The following USP13 variants were observed in gnomAD, a reference collection of about 807,000 sequenced individuals.
The protein encoded by USP13 is ubiquitin carboxyl-terminal hydrolase 13.
USP13 carries 68 observed loss-of-function variants against 107.8 expected under a neutral mutation model. The observed-to-expected ratio is 0.63, with a 90% CI of 0.52 to 0.77. The LOEUF is 0.77. Among genes scored for constraint, USP13 ranks in the 30% least tolerant of loss-of-function variants. USP13 has a pLI of 0.00. For missense variants in USP13, 945 were observed against 1,093.3 expected (o/e 0.86, Z 1.91); for synonymous variants, 377 against 389.5 (o/e 0.97, Z 0.38).
intron 12 of USP13, among the ~76,000 whole-genome samples, chr3:179,744,013 T>G (rs1312522999): frequency 2.0e-5 from 3 of 151,784 alleles, no homozygotes; most frequent in Non-Finnish European, 2.9e-5. Flanking sequence ...ACAGGCTAGT[T>G]TCCAGGACCA....
intron 8 of USP13, among the ~76,000 whole-genome samples, chr3:179,725,298 GTTTT>G (rs11438087): frequency 1.3e-5 from 2 of 151,616 alleles, no homozygotes; most frequent in Non-Finnish European, 2.9e-5. Flanking sequence ...TTTCCAGTGA[GTTTT>G]TTTTTGTCTT....
chr3:179,672,987 G>T (rs963034159), intron 1 of USP13, among the ~76,000 whole-genome samples: 1 of 152,190 alleles, frequency 6.6e-6, no homozygotes, highest in African/African-American at 2.4e-5. Context: ...CGGTGGTGCA[G>T]AGAAGGCAGC....
At chr3:179,655,567 G>GTTTTTTTTTTTTTTTTTTTTTTTTTTT (rs780247868) in intron 1 of USP13, among the ~76,000 whole-genome samples, 1 of 139,820 alleles carries the variant, frequency 7.2e-6, no homozygotes, top group African/African-American at 2.8e-5. Flanking sequence ...GTTTTGTTTT[G>GTTTTTTTTTTTTTTTTTTTTTTTTTTT]TTTTTTTTTT....
At chr3:179,709,067 A>C in intron 6 of USP13, 110 bp downstream of exon 6, 4 of 1,300,666 alleles carry the variant, frequency 3.1e-6, no homozygotes, top group Non-Finnish European at 4.2e-6. Flanking sequence ...CAGACAGCCC[A>C]GGTTTGAATT....
chr3:179,677,078 G>A (rs1266175495), intron 1 of USP13, among the ~76,000 whole-genome samples: 4 of 151,628 alleles, frequency 2.6e-5, no homozygotes, highest in African/African-American at 9.7e-5. Context: ...GGCTGGTCTC[G>A]AACTCCTGAC....
intron 10 of USP13, among the ~76,000 whole-genome samples, chr3:179,730,934 G>A (rs906419338): frequency 6.6e-6 from 1 of 152,212 alleles, no homozygotes; most frequent in African/African-American, 2.4e-5. Context: ...ATACATGTGT[G>A]CCATCATTAA....
intron 2 of USP13, among the ~76,000 whole-genome samples, chr3:179,682,854 T>C (rs1560047144): frequency 6.6e-6 from 1 of 152,156 alleles, no homozygotes; most frequent in Admixed American, 6.5e-5. Flanking sequence ...TGCAGGCTCA[T>C]GTTATGCTTA....
At chr3:179,769,100 T>C (rs1379014251) in intron 19 of USP13, among the ~76,000 whole-genome samples, 1 of 152,220 alleles carries the variant, frequency 6.6e-6, no homozygotes, top group African/African-American at 2.4e-5. Flanking sequence ...TCTAAGGTTG[T>C]TTAAATATAA....
chr3:179,769,631 A>G (rs1346673194), intron 19 of USP13, among the ~76,000 whole-genome samples: 1 of 152,008 alleles, frequency 6.6e-6, no homozygotes, highest in Non-Finnish European at 1.5e-5. Flanking sequence ...CTGGTCTCCA[A>G]CTCCTGAGCT....
chr3:179,751,629 A>G (rs940117297), intron 13 of USP13, among the ~76,000 whole-genome samples: 2 of 152,240 alleles, frequency 1.3e-5, no homozygotes, highest in Non-Finnish European at 2.9e-5. Context: ...AAACTCTAGC[A>G]AGGATTTCAG....
chr3:179,738,996 C>T (rs941200866), intron 10 of USP13, among the ~76,000 whole-genome samples: 1 of 152,168 alleles, frequency 6.6e-6, no homozygotes, highest in African/African-American at 2.4e-5. Context: ...TCCCTCTGGG[C>T]TGCCACATGT....
intron 2 of USP13, among the ~76,000 whole-genome samples, chr3:179,684,023 C>T (rs987027273): frequency 2.0e-5 from 3 of 151,774 alleles, no homozygotes; most frequent in Admixed American, 6.6e-5. Flanking sequence ...TGCAGTGGCG[C>T]GATCTTGGCT....
At chr3:179,745,955 A>G (rs1411382870) in intron 13 of USP13, among the ~76,000 whole-genome samples, 2 of 152,072 alleles carry the variant, frequency 1.3e-5, no homozygotes, top group South Asian at 2.1e-4. Context: ...GTCCTTGCCA[A>G]CACACTTCAT....
chr3:179,756,429 CAA>C (rs1714801386), intron 15 of USP13, among the ~76,000 whole-genome samples: 1 of 148,266 alleles, frequency 6.7e-6, no homozygotes, highest in African/African-American at 2.6e-5. Flanking sequence ...AACAAACAAA[CAA>C]ACAAACAAAC....
intron 3 of USP13, among the ~76,000 whole-genome samples, chr3:179,693,333 T>A (rs1016235097): frequency 2.6e-5 from 4 of 152,180 alleles, no homozygotes; most frequent in East Asian, 1.9e-4. Flanking sequence ...AAATTTTTTT[T>A]AAAGTGATGG....
rs1358391975 is a variant in USP13 at position 179,721,942 on chromosome 3, G to A, written c.1088+353G>A. The stretch of plus-strand genomic sequence containing the variant: ...AAATTAGCCAGGGGTGGTGGTGCAC[G>A]CCTGTAATTCCAGCTACTCAGGAGG... On this transcript the variant is annotated intron_variant, in intron 8 of 20. Coordinates refer to ENST00000263966, the MANE Select transcript of USP13 (RefSeq NM_003940.3). This position sits in a 1 kb window ranked among gnomAD's most constrained non-coding sequence, Gnocchi z 4.3. Among the ~76,000 whole-genome samples, 1 of 151,814 alleles carries A rather than the reference G, an allele frequency of 6.6e-6. No individual in the cohort carries two copies. The highest frequency in any genetic ancestry group is 2.4e-5 in the African/African-American group (1 of 41,318).
At chr3:179,657,558 C>T (rs115906021) in intron 1 of USP13, among the ~76,000 whole-genome samples, 27,393 of 151,444 alleles carry the variant, frequency 0.18, 2,548 homozygotes, top group African/African-American at 0.24. Flanking sequence ...ATCAAGAGAT[C>T]GAGACCATCC....
rs1720159969 is a variant in USP13 at position 179,653,655 on chromosome 3, G to A, written c.168+262G>A. The A allele has an allele frequency of 2.1e-6, 1 of 480,162 alleles. No homozygotes were observed. Among genetic ancestry groups the A allele is most frequent in the Non-Finnish European group, 3.7e-6 (1 of 269,206 alleles). The allele number at this position is 480,162 out of a possible 1,614,324, so 29.7% of individuals were successfully genotyped here. On this transcript the variant is annotated intron_variant, in intron 1 of 20. Coordinates refer to ENST00000263966, the MANE Select transcript of USP13 (RefSeq NM_003940.3). The surrounding 1 kb of genome is among the most constrained non-coding windows in gnomAD (Gnocchi z 4.0). The stretch of plus-strand genomic sequence containing the variant: ...TTCCCAGCAGCTTGCACACAGCCCC[G>A]CCGCCGTTTAAAGATAGATGAAATA...
At chr3:179,722,697 T>C (rs573531164) in intron 8 of USP13, among the ~76,000 whole-genome samples, 5 of 152,372 alleles carry the variant, frequency 3.3e-5, no homozygotes, top group African/African-American at 1.2e-4. Flanking sequence ...TATTGTTGAC[T>C]GTAGTCACCC....
Sources: allele counts gnomAD v4.1 joint callset (sites outside exome capture counted in the v4.1 genomes callset), GRCh38; gene constraint gnomAD v4.1.1; non-coding constraint Gnocchi (gnomAD v3.1); transcripts MANE v1.5; gene names NCBI Gene and HGNC (gene_info 2026-07-23, HGNC 2026-07-21).